EBNA1BP2: variants seen among roughly 807,000 people sequenced by gnomAD.
EBNA1BP2 encodes EBNA1 binding protein 2, also known as probable rRNA-processing protein EBP2.
Under a neutral mutation model 43.5 loss-of-function variants are expected in EBNA1BP2, and 36 were observed. That is an observed-to-expected ratio of 0.83 (90% CI 0.63 to 1.09). EBNA1BP2 has a LOEUF of 1.09. EBNA1BP2 is among the 50% of genes least tolerant of loss of function. EBNA1BP2 has a pLI of 0.00. For synonymous variants in EBNA1BP2, 127 were observed against 141.3 expected (o/e 0.90, Z 0.72); for missense variants, 332 against 379.1 (o/e 0.88, Z 1.03).
Position 43,167,217 on chromosome 1 carries a change from G to T in EBNA1BP2, c.556C>A (p.Gln186Lys), listed in dbSNP as rs1368810634. The T allele has an allele frequency of 6.2e-6, 10 of 1,614,060 alleles. No individual in the cohort carries two copies. The South Asian group carries it at 1.1e-4, about 18-fold the overall frequency. Residue 186 changes from glutamine (Q) to lysine (K), a missense_variant, in exon 6 of 9, where the codon CAG (glutamine) becomes AAG (lysine). This residue lies in a region of EBNA1BP2 where 91 missense variants were observed against 152.1 expected (regional missense o/e 0.60). Coordinates refer to ENST00000236051, the MANE Select transcript of EBNA1BP2 (RefSeq NM_006824.3). Reference protein sequence around the residue: ...YGKKVQTEVLQKRQQEKAHMM... With the variant: ...YGKKVQTEVLKKRQQEKAHMM... ...TGGGCTTTCTCCTGCTGCCTCTTCT[G>T]AAGAACCTCCGTTTGCACCTGTGAT...
chr1:43,167,373 T>C, intron 5 of EBNA1BP2, 138 bp from the exon 6 acceptor site: 1 of 753,676 alleles, frequency 1.3e-6, no homozygotes, highest in Non-Finnish European at 2.3e-6. Context: ...TTAGGGACTC[T>C]AAGTATATTC....
chr1:43,166,220 G>A (rs1644917319), intron 7 of EBNA1BP2, among the ~76,000 whole-genome samples: 1 of 152,182 alleles, frequency 6.6e-6, no homozygotes, highest in Non-Finnish European at 1.5e-5. Flanking sequence ...GTAGAGTCGG[G>A]ATCTGAACCC....
rs1569740055 is a variant in EBNA1BP2, at chr1:43,172,143, T to C, written c.-25A>G. On this transcript the variant is annotated 5_prime_UTR_variant, in exon 1 of 9. Transcript: ENST00000236051. ...TCTCGCCGCACGCACGTCCCACACC[T>C]ACAGGAAGAAACGGGGTATCCCGAG... The C allele has an allele frequency of 1.2e-6, 2 of 1,613,736 alleles. No homozygotes were observed. Among genetic ancestry groups the C allele is most frequent in the Non-Finnish European group, 1.7e-6 (2 of 1,179,954 alleles).
chr1:43,167,351 C>T, intron 5 of EBNA1BP2, 116 bp from the exon 6 acceptor site: 1 of 948,018 alleles, frequency 1.1e-6, no homozygotes, highest in East Asian at 2.4e-5. Context: ...TTACTACGTG[C>T]CAAAAACTGT....
In EBNA1BP2 at chr1:43,170,683, T is replaced by C. The variant is rs1644953406; in HGVS notation, c.447+73A>G. On this transcript the variant is annotated intron_variant, in intron 4 of 8. Coordinates refer to ENST00000236051, the MANE Select transcript of EBNA1BP2 (RefSeq NM_006824.3). ...GGCTCCCCGTTATTGGGCTCATAGC[T>C]ATCTTTCTAAGCCAGCTGAATATGC... The C allele has an allele frequency of 2.6e-6, 4 of 1,545,748 alleles. No individual in the cohort carries two copies. In the African/African-American group the frequency reaches 5.7e-5, roughly 22 times the overall value.
At chr1:43,172,303 G>C (rs1481935342), upstream of EBNA1BP2, 2 of 1,551,816 alleles carry the variant, frequency 1.3e-6, no homozygotes, top group African/African-American at 1.4e-5. Context: ...CTTTTGATTG[G>C]GACTTCCGCT....
Position 43,172,284 on chromosome 1 carries a change from A to G in EBNA1BP2, c.-166T>C. On this transcript the variant is annotated 5_prime_UTR_variant, in exon 1 of 9. Coordinates refer to ENST00000236051, the MANE Select transcript of EBNA1BP2 (RefSeq NM_006824.3). Reference sequence around the variant, plus strand: ...GCTCCAGCGCCAGCAACTCACAGCTACTGCTCAACTTTTGATTGGGACTTC... The same window carrying G: ...GCTCCAGCGCCAGCAACTCACAGCTGCTGCTCAACTTTTGATTGGGACTTC... 2.6e-6 allele frequency: 4 copies of G among 1,552,358 alleles called. No individual in the cohort carries two copies. The highest frequency in any genetic ancestry group is 2.4e-5 in the East Asian group (1 of 40,902).
In EBNA1BP2 at chr1:43,164,466, T is replaced by C. The variant is rs1284494093; in HGVS notation, c.898A>G (p.Lys300Glu). The change falls in exon 9 of 9, where the codon AAG (lysine) becomes GAG (glutamate). Residue 300 changes from lysine to glutamate, a missense_variant. This residue lies in a region of EBNA1BP2 where 59 missense variants were observed against 53.3 expected (regional missense o/e 1.11). Transcript: ENST00000236051. ...ATTTAGTGTGTTCTGTTCTTCATCTTCTCTCTTGTTCGTTTTCCAGGTCTC... is the reference window on the plus strand; with the variant it reads ...ATTTAGTGTGTTCTGTTCTTCATCTCCTCTCTTGTTCGTTTTCCAGGTCTC... ...NKRPGKRTREKMKNRTH is the reference protein window; with the variant it reads ...NKRPGKRTREEMKNRTH 1 of 1,614,228 alleles carries C rather than the reference T, an allele frequency of 6.2e-7. No homozygotes were observed. The highest frequency in any genetic ancestry group is 8.5e-7 in the Non-Finnish European group (1 of 1,180,044).
intron 2 of EBNA1BP2, 81 bp from the exon 3 acceptor site, chr1:43,171,732 C>T: frequency 6.3e-7 from 1 of 1,577,660 alleles, no homozygotes; most frequent in Non-Finnish European, 8.6e-7. Flanking sequence ...GGCGAAGGGA[C>T]AAAGTGCTAA....
rs371714666 is a variant in EBNA1BP2, at chr1:43,166,823, C to T, written c.707+3G>A. On this transcript the variant is annotated splice_donor_region_variant and intron_variant, in intron 7 of 8. Coordinates refer to ENST00000236051, the MANE Select transcript of EBNA1BP2 (RefSeq NM_006824.3). ...AAAGAAACCATGCCAAAACCCTTCT[C>T]ACCCCTTCCTCATCTGCTGGCCTTT... The T allele has an allele frequency of 5.7e-5, 91 of 1,609,034 alleles. No individual in the cohort carries two copies. The African/African-American group carries it at 1.2e-3, about 20-fold the overall frequency.
chr1:43,171,788 G>A, intron 2 of EBNA1BP2, 98 bp downstream of exon 2: 1 of 1,570,562 alleles, frequency 6.4e-7, no homozygotes, highest in Non-Finnish European at 8.7e-7. Context: ...CGAGGCGCAG[G>A]GTGCATCTTT....
intron 5 of EBNA1BP2, 87 bp from the exon 6 acceptor site, chr1:43,167,322 T>C (rs929729943): frequency 3.1e-6 from 4 of 1,278,376 alleles, no homozygotes; most frequent in African/African-American, 1.5e-5. Flanking sequence ...CCATGATTAA[T>C]ACCACTACCC....
Position 43,169,026 on chromosome 1 carries a change from A to G in EBNA1BP2, c.450T>C (p.Ile150=). Residue 150 remains isoleucine (I), a splice_region_variant and synonymous_variant, in exon 5 of 9, where the codon ATT becomes ATC. Transcript: ENST00000236051. The part of the protein sequence containing the change: ...MAKSDLQMQK[I]RQKLQTKQAA... ...CCTGTTTAGTCTGCAGCTTCTGTCGAATCTACAACACAAAATGCTGTCAGT... is the reference window on the plus strand; with the variant it reads ...CCTGTTTAGTCTGCAGCTTCTGTCGGATCTACAACACAAAATGCTGTCAGT... The G allele has an allele frequency of 1.9e-6, 3 of 1,613,996 alleles. No individual in the cohort carries two copies. Among genetic ancestry groups the G allele is most frequent in the Non-Finnish European group, 2.5e-6 (3 of 1,180,016 alleles).
chr1:43,168,902 C>G, intron 5 of EBNA1BP2, 37 bp downstream of exon 5: 2 of 1,605,872 alleles, frequency 1.2e-6, no homozygotes, highest in East Asian at 2.2e-5. Flanking sequence ...AACACACACT[C>G]CGCCTCTTCC....
At chr1:43,165,044 C>T (rs1361364746) in intron 7 of EBNA1BP2, among the ~76,000 whole-genome samples, 3 of 152,184 alleles carry the variant, frequency 2.0e-5, no homozygotes, top group African/African-American at 7.2e-5. Flanking sequence ...GCAGGGAAGG[C>T]TCTACATATA....
rs1644985987 is a variant in EBNA1BP2, at chr1:43,172,091, C to G, written c.28G>C (p.Glu10Gln). MDTPPLSDSESESDESLVTD... is the reference protein window; with the variant it reads MDTPPLSDSQSESDESLVTD... ...ACAAGGGATTCATCGGATTCCGACT[C>G]CGAATCCGAGAGCGGGGGAGTGTCC... The change falls in exon 1 of 9, where the codon GAG becomes CAG. Residue 10 changes from glutamate (E) to glutamine (Q), a missense_variant. Glu to Gln is a conservative substitution (Grantham distance 29, BLOSUM62 2). Around this residue, in one of 3 missense-constraint regions of EBNA1BP2, gnomAD observed 182 missense variants for 173.7 expected, o/e 1.05. Coordinates refer to ENST00000236051, the MANE Select transcript of EBNA1BP2 (RefSeq NM_006824.3). 6 of 1,614,196 alleles carry G rather than the reference C, an allele frequency of 3.7e-6. No individual in the cohort carries two copies. The highest frequency in any genetic ancestry group is 1.3e-5 in the African/African-American group (1 of 75,054).
Position 43,164,357 on chromosome 1 carries a change from T to G in EBNA1BP2, c.*86A>C, listed in dbSNP as rs952227518. Reference sequence around the variant, plus strand: ...TTTATTGAAAGAAATGTTTACAACATGACACCAACAGAAGGGATCAAAGTG... The same window carrying G: ...TTTATTGAAAGAAATGTTTACAACAGGACACCAACAGAAGGGATCAAAGTG... On this transcript the variant is annotated 3_prime_UTR_variant, in exon 9 of 9. Transcript: ENST00000236051. 4 of 1,516,024 alleles carry G rather than the reference T, an allele frequency of 2.6e-6. No homozygotes were observed. The African/African-American group carries it at 5.5e-5, about 21-fold the overall frequency. The allele number at this position is 1,516,024 out of a possible 1,614,324, so 93.9% of individuals were successfully genotyped here. A position where few individuals can be genotyped will look rare whatever the true frequency, so the allele number is the denominator to read the frequency against.
rs778282761 is a variant in EBNA1BP2, at chr1:43,170,812, T to C, written c.391A>G (p.Lys131Glu). Residue 131 changes from lysine to glutamate, a missense_variant, in exon 4 of 9, where the codon AAG becomes GAG. Coordinates refer to ENST00000236051, the MANE Select transcript of EBNA1BP2 (RefSeq NM_006824.3). ...TCCGCAAAATAATCAGTGGGTCGCT[T>C]CGTAGGGACTTTGAGCTGATGGAGG... ...PRLHQLKVPT[K>E]RPTDYFAEMA... 1.9e-6 allele frequency: 3 copies of C among 1,608,064 alleles called. No individual in the cohort carries two copies. In the African/African-American group the frequency reaches 4.0e-5, roughly 22 times the overall value.
chr1:43,171,316 G>A (rs1325354423), intron 3 of EBNA1BP2, 163 bp downstream of exon 3: 3 of 899,706 alleles, frequency 3.3e-6, no homozygotes, highest in East Asian at 3.0e-5. Context: ...GGACCAAAGA[G>A]CTCTTCTCTC....
Sources: allele counts gnomAD v4.1 joint callset (sites outside exome capture counted in the v4.1 genomes callset), GRCh38; gene constraint gnomAD v4.1.1; regional missense constraint gnomAD v4.1.1; transcripts MANE v1.5; gene names NCBI Gene and HGNC (gene_info 2026-07-23, HGNC 2026-07-21).